The following ZBBX variants were observed in gnomAD, a reference collection of about 807,000 sequenced individuals.
The protein encoded by ZBBX is zinc finger B-box domain-containing protein 1.
In ZBBX, 101 loss-of-function variants were observed where a neutral mutation model predicts 108.5. That is an observed-to-expected ratio of 0.93 (90% CI 0.79 to 1.10). The LOEUF (loss-of-function observed/expected upper bound fraction) is 1.10. Ranked by LOEUF, ZBBX falls within the 50% of genes least tolerant of loss-of-function variation. The pLI is 0.00. For synonymous variants in ZBBX, 356 were observed against 323.4 expected, an observed-to-expected ratio of 1.10 and a Z score of -1.08; for missense variants, 1,009 against 941.4, an observed-to-expected ratio of 1.07 and a Z score of -0.94.
chr3:167,329,647 C>T (rs931462512), intron 10 of ZBBX, among the ~76,000 whole-genome samples: 2 of 152,070 alleles, frequency 1.3e-5, no homozygotes, highest in East Asian at 1.9e-4. Flanking sequence ...GGAAATGATA[C>T]GTATGCTAGG....
At chr3:167,316,527 T>C (rs1257722028) in intron 14 of ZBBX, among the ~76,000 whole-genome samples, 1 of 58,636 alleles carries the variant, frequency 1.7e-5, no homozygotes, top group Non-Finnish European at 4.4e-5. Flanking sequence ...TCTACATATG[T>C]TCAAGTTATG....
chr3:167,230,698 G>C, the ZBBX span, among the ~76,000 whole-genome samples: 1 of 151,782 alleles, frequency 6.6e-6, no homozygotes, highest in East Asian at 1.9e-4. Context: ...AGAAAGAGGA[G>C]CAAGTTATGA....
intron 18 of ZBBX, among the ~76,000 whole-genome samples, chr3:167,297,872 C>T (rs1177147523): frequency 3.3e-5 from 5 of 151,816 alleles, no homozygotes; most frequent in African/African-American, 9.7e-5. Context: ...ATTCTCCCCC[C>T]GACCCCACCA....
At chr3:167,311,202 A>C (rs936131403) in intron 16 of ZBBX, among the ~76,000 whole-genome samples, 1 of 152,186 alleles carries the variant, frequency 6.6e-6, no homozygotes, top group Non-Finnish European at 1.5e-5. Flanking sequence ...CAATACAACA[A>C]AGAAAATATA....
intron 20 of ZBBX, among the ~76,000 whole-genome samples, chr3:167,250,637 G>C (rs1046380527): frequency 6.6e-6 from 1 of 151,984 alleles, no homozygotes; most frequent in African/African-American, 2.4e-5. Flanking sequence ...AGACCGCTAG[G>C]AGTCTGACTG....
chr3:167,293,561 T>C (rs1033774577), intron 18 of ZBBX, among the ~76,000 whole-genome samples: 3 of 152,150 alleles, frequency 2.0e-5, no homozygotes, highest in Non-Finnish European at 1.5e-5. Context: ...TAATAAGAGA[T>C]ATTTATGACA....
intron 15 of ZBBX, among the ~76,000 whole-genome samples, chr3:167,314,348 A>T (rs1735081141): frequency 6.6e-6 from 1 of 152,118 alleles, no homozygotes; most frequent in Non-Finnish European, 1.5e-5. Flanking sequence ...TTAACTGCAA[A>T]ATTTCAGTTG....
intron 18 of ZBBX, among the ~76,000 whole-genome samples, chr3:167,293,352 C>CA (rs1731053620): frequency 6.6e-6 from 1 of 151,628 alleles, no homozygotes; most frequent in African/African-American, 2.4e-5. Flanking sequence ...TATCCACAAT[C>CA]AAGTCGGCTT....
chr3:167,289,001 T>G lies in ZBBX; in HGVS notation c.1880-18A>C. The G allele has an allele frequency of 6.7e-7, 1 of 1,495,194 alleles. No homozygotes were observed. Among genetic ancestry groups the G allele is most frequent in the Non-Finnish European group, 9.0e-7 (1 of 1,109,320 alleles). The allele number at this position is 1,495,194 out of a possible 1,614,324, so 92.6% of individuals were successfully genotyped here. A position where few individuals can be genotyped will look rare whatever the true frequency, so the allele number is the denominator to read the frequency against. ...TCTGTCTTCTGAAATTGAAAAACAG[T>G]AAGATAACATAAAGTTTGAAAAGAA... On this transcript the variant is annotated intron_variant, in intron 18 of 21. Transcript: ENST00000675490.
At chr3:167,406,968 C>A (rs1488231515) in intron 1 of ZBBX, among the ~76,000 whole-genome samples, 1 of 152,176 alleles carries the variant, frequency 6.6e-6, no homozygotes, top group East Asian at 1.9e-4. Context: ...GCCTGACTGC[C>A]TCCTGACATA....
chr3:167,185,180 C>T, the ZBBX span, among the ~76,000 whole-genome samples: 3 of 152,026 alleles, frequency 2.0e-5, no homozygotes, highest in Admixed American at 2.0e-4. Flanking sequence ...CAATGAAAAA[C>T]CAATTAGCAA....
chr3:167,348,360 GA>G (rs1170664258), intron 9 of ZBBX, among the ~76,000 whole-genome samples: 128 of 123,842 alleles, frequency 1.0e-3, no homozygotes, highest in African/African-American at 4.1e-3. Flanking sequence ...AAGAAAGAAA[GA>G]AAGAAAGAAA....
chr3:167,210,792 G>A, the ZBBX span, among the ~76,000 whole-genome samples: 8 of 152,116 alleles, frequency 5.3e-5, no homozygotes, highest in Non-Finnish European at 1.0e-4. Context: ...CCTAGAAAAG[G>A]CTGAATACTA....
the ZBBX span, among the ~76,000 whole-genome samples, chr3:167,178,479 T>C: frequency 6.6e-6 from 1 of 152,228 alleles, no homozygotes; most frequent in South Asian, 2.1e-4. Flanking sequence ...CACAGGTAGG[T>C]GGCTGTGTTC....
At chr3:167,218,863 T>A in the ZBBX span, among the ~76,000 whole-genome samples, 1 of 152,004 alleles carries the variant, frequency 6.6e-6, no homozygotes, top group African/African-American at 2.4e-5. Flanking sequence ...CAAAACTGAA[T>A]AATCTTTTGC....
chr3:167,231,608 A>G, the ZBBX span, among the ~76,000 whole-genome samples: 1 of 151,800 alleles, frequency 6.6e-6, no homozygotes, highest in Non-Finnish European at 1.5e-5. Flanking sequence ...TAATGAGGGG[A>G]GCAAAAATAT....
At chr3:167,383,170 G>T (rs55801894), upstream of ZBBX, among the ~76,000 whole-genome samples, 4,574 of 152,106 alleles carry the variant, frequency 0.03, 220 homozygotes, top group African/African-American at 0.1. Flanking sequence ...CTTTCCAGAA[G>T]TATTCTCTCA....
intron 20 of ZBBX, among the ~76,000 whole-genome samples, chr3:167,262,448 T>C (rs1724718754): frequency 6.6e-6 from 1 of 152,260 alleles, no homozygotes. Flanking sequence ...GTATAAGTTC[T>C]TCTTTAAATG....
intron 20 of ZBBX, among the ~76,000 whole-genome samples, chr3:167,263,032 G>GTTTTTTTTTTTTTT (rs1192290285): frequency 1.8e-5 from 2 of 111,034 alleles, no homozygotes; most frequent in Non-Finnish European, 1.8e-5. Flanking sequence ...TGCTTTTCTA[G>GTTTTTTTTTTTTTT]TTCTTTTTTT....
Sources: gnomAD v4.1 joint callset for allele counts (sites outside exome capture counted in the v4.1 genomes callset) on GRCh38, gnomAD v4.1.1 for gene constraint, MANE v1.5 for transcripts, NCBI Gene and HGNC (gene_info 2026-07-23, HGNC 2026-07-21) for gene names.